Variants in ABITRAM observed in about 807,000 individuals in gnomAD.
The protein encoded by ABITRAM is protein Abitram.
ABITRAM carries 19 observed loss-of-function variants against 22.9 expected under a neutral mutation model. That is an observed-to-expected ratio of 0.83 (90% CI 0.58 to 1.22). ABITRAM has a LOEUF of 1.22. Ranked by LOEUF, ABITRAM falls within the 50% of genes most tolerant of loss-of-function variation. The pLI is 0.00. For missense variants in ABITRAM, 215 were observed against 220.2 expected, an observed-to-expected ratio of 0.98 and a Z score of 0.15; for synonymous variants, 70 against 73.9, an observed-to-expected ratio of 0.95 and a Z score of 0.27.
chr9:108,938,661 T>C (rs1830216706), intron 3 of ABITRAM, among the ~76,000 whole-genome samples: 1 of 129,186 alleles, frequency 7.7e-6, no homozygotes, highest in Non-Finnish European at 1.6e-5. Context: ...AGAAAAAATA[T>C]CCCTTACTAA....
In ABITRAM at chr9:108,940,416, A is replaced by G. The variant is rs1436495430; in HGVS notation, c.*730A>G. On this transcript the variant is annotated 3_prime_UTR_variant, in exon 6 of 6. Transcript: ENST00000322940. The stretch of plus-strand genomic sequence containing the variant: ...ACCCACCTTTCTTACCCAGTCTTCT[A>G]TAATGTGCCTACCAAAAAGCCTAGT... 3.3e-5 allele frequency: 5 copies of G among 152,374 alleles called. No homozygotes were observed. The South Asian group carries it at 6.2e-4, about 19-fold the overall frequency. The allele number at this position is 152,374 out of a possible 1,614,324, so 9.4% of individuals were successfully genotyped here. A position where few individuals can be genotyped will look rare whatever the true frequency, so the allele number is the denominator to read the frequency against.
intron 3 of ABITRAM, 120 bp downstream of exon 3, chr9:108,936,557 G>A: frequency 1.8e-6 from 2 of 1,141,286 alleles, no homozygotes; most frequent in East Asian, 2.4e-5. Context: ...GCAGTTTGAG[G>A]TGCTAATTTT....
intron 3 of ABITRAM, among the ~76,000 whole-genome samples, chr9:108,937,706 A>C (rs1248109462): frequency 6.6e-6 from 1 of 152,202 alleles, no homozygotes; most frequent in Non-Finnish European, 1.5e-5. Flanking sequence ...GTAACACTTA[A>C]GGCAGGTACA....
At position 108,935,491 on chromosome 9, in the gene ABITRAM, C is replaced by CT. The variant is rs1469258868; in HGVS notation, c.80-142dup. On this transcript the variant is annotated intron_variant, in intron 1 of 5. Transcript: ENST00000322940. ...CTTTCTAGGAAACCTTTAGGTATGTCTTTTTGAGTAATGAAGGGATACCCG... is the reference window on the plus strand; with the variant it reads ...CTTTCTAGGAAACCTTTAGGTATGTCTTTTTTGAGTAATGAAGGGATACCCG... 9.3e-6 allele frequency: 6 copies of CT among 642,028 alleles called. No homozygotes were observed. In the African/African-American group the frequency reaches 1.1e-4, roughly 12 times the overall value. The allele number at this position is 642,028 out of a possible 1,614,324, so 39.8% of individuals were successfully genotyped here. A position where few individuals can be genotyped will look rare whatever the true frequency, so the allele number is the denominator to read the frequency against.
chr9:108,946,191 C>G (rs374942853), intron 3 of ABITRAM, among the ~76,000 whole-genome samples: 1 of 151,024 alleles, frequency 6.6e-6, no homozygotes, highest in South Asian at 2.1e-4. Flanking sequence ...CCCAGCTACT[C>G]GGGAGGCTGA....
At chr9:108,943,792 G>T, downstream of ABITRAM, 4 of 1,613,622 alleles carry the variant, frequency 2.5e-6, no homozygotes, top group Non-Finnish European at 3.4e-6. Context: ...TCCAGGAGAA[G>T]CATAAGCTTG....
downstream of ABITRAM, chr9:108,942,818 T>C (rs1427630913): frequency 6.2e-7 from 1 of 1,613,812 alleles, no homozygotes; most frequent in South Asian, 1.1e-5. Flanking sequence ...GACCCATCCG[T>C]TATTTTCCAT....
In ABITRAM at chr9:108,934,420, C is replaced by G. The variant is rs1347797212; in HGVS notation, c.-67C>G. The G allele has an allele frequency of 9.2e-6, 13 of 1,412,606 alleles. No homozygotes were observed. Among genetic ancestry groups the G allele is most frequent in the Non-Finnish European group, 1.2e-5 (13 of 1,045,188 alleles). The allele number at this position is 1,412,606 out of a possible 1,614,324, so 87.5% of individuals were successfully genotyped here. ...GCGCTGTGCGCCGGAAGAGCACGCC[C>G]AGTCCGGGCTGCGCGGAGGAAGCGC... On this transcript the variant is annotated 5_prime_UTR_variant, in exon 1 of 6. Transcript: ENST00000322940.
At chr9:108,950,625 C>T (rs1223624511) in exon 4 of ABITRAM, 1 of 1,547,840 alleles carries the variant, frequency 6.5e-7, no homozygotes, top group Non-Finnish European at 8.7e-7. Context: ...TCTTCACGAG[C>T]ACAGGATCCC....
chr9:108,944,802 TAAG>T (rs1564118379), downstream of ABITRAM, among the ~76,000 whole-genome samples: 4 of 152,154 alleles, frequency 2.6e-5, no homozygotes, highest in Admixed American at 2.6e-4. Context: ...TAAAGAATAC[TAAG>T]AAGGAGGAGG....
At chr9:108,939,479 T>A in intron 5 of ABITRAM, 25 bp downstream of exon 5, 4 of 1,604,988 alleles carry the variant, frequency 2.5e-6, no homozygotes, top group Non-Finnish European at 3.4e-6. Context: ...AAAAATATGA[T>A]CTCATCCACA....
chr9:108,942,889 AAATT>A, downstream of ABITRAM: 1 of 1,610,480 alleles, frequency 6.2e-7, no homozygotes. Flanking sequence ...AAAAATTACA[AAATT>A]AAGTAGTAAC....
chr9:108,948,290 CTT>C (rs1361527331), intron 3 of ABITRAM: 7 of 1,525,224 alleles, frequency 4.6e-6, no homozygotes, highest in Non-Finnish European at 6.2e-6. Flanking sequence ...TGAAAATTGA[CTT>C]TATAATATTA....
rs760208186 is a variant in ABITRAM, at chr9:108,939,450, A to G, written c.404A>G (p.Glu135Gly). Residue 135 changes from glutamate to glycine, a missense_variant, in exon 5 of 6, where the codon GAA (glutamate) becomes GGA (glycine). Coordinates refer to ENST00000322940, the MANE Select transcript of ABITRAM (RefSeq NM_017832.4). ...NILHKPSILQEKPSTEGYIAV... is the reference protein window; with the variant it reads ...NILHKPSILQGKPSTEGYIAV... ...CTCCATAAGCCATCTATTCTTCAAGAAAAGGTAAAAGAGAGAGAAAAAATA... is the reference window on the plus strand; with the variant it reads ...CTCCATAAGCCATCTATTCTTCAAGGAAAGGTAAAAGAGAGAGAAAAAATA... 2.4e-5 allele frequency: 38 copies of G among 1,609,328 alleles called. No homozygotes were observed. The highest frequency in any genetic ancestry group is 3.1e-5 in the Non-Finnish European group (37 of 1,178,826).
Position 108,935,821 on chromosome 9 carries a change from G to A in ABITRAM, c.131+132G>A, listed in dbSNP as rs1830176255. The A allele has an allele frequency of 4.7e-6, 3 of 636,656 alleles. No homozygotes were observed. In the East Asian group the frequency reaches 8.4e-5, roughly 18 times the overall value. The allele number at this position is 636,656 out of a possible 1,614,324, so 39.4% of individuals were successfully genotyped here. On this transcript the variant is annotated intron_variant, in intron 2 of 5. Transcript: ENST00000322940. ...TGCATTAATTATCTTCTACTGTGTT[G>A]AAATGGTATTATTATAGGAGTTTGT...
At chr9:108,935,865 CCA>C (rs1830176864) in intron 2 of ABITRAM, 176 bp downstream of exon 2, 1 of 584,406 alleles carries the variant, frequency 1.7e-6, no homozygotes, top group South Asian at 2.1e-5. Context: ...AATGAGTATT[CCA>C]GTGCCTGGCC....
At chr9:108,938,693 G>T (rs564527800) in intron 3 of ABITRAM, among the ~76,000 whole-genome samples, 9 of 131,498 alleles carry the variant, frequency 6.8e-5, no homozygotes, top group Non-Finnish European at 1.0e-4. Flanking sequence ...ATTACAAAGG[G>T]GGGGGGGGGA....
At chr9:108,934,902 T>A (rs1441304569) in intron 1 of ABITRAM, among the ~76,000 whole-genome samples, 5 of 152,062 alleles carry the variant, frequency 3.3e-5, no homozygotes, top group Non-Finnish European at 4.4e-5. Flanking sequence ...AGGGGCTCAC[T>A]CTCACAGGGA....
exon 4 of ABITRAM, chr9:108,950,553 T>C: frequency 6.4e-7 from 1 of 1,550,392 alleles, no homozygotes; most frequent in East Asian, 2.4e-5. Context: ...AAGAGGAAAA[T>C]GATGCCTCTA....
Sources: allele counts gnomAD v4.1 joint callset (sites outside exome capture counted in the v4.1 genomes callset), GRCh38; gene constraint gnomAD v4.1.1; transcripts MANE v1.5; gene names NCBI Gene and HGNC (gene_info 2026-07-23, HGNC 2026-07-21).